COL13A1: variants seen among roughly 807,000 people sequenced by gnomAD.
COL13A1 encodes the protein collagen type XIII alpha 1 chain, also known as collagen alpha-1(XIII) chain.
A neutral mutation model predicts 130.9 loss-of-function variants in COL13A1; 89 were observed. That is an observed-to-expected ratio of 0.68 (90% CI 0.57 to 0.81). The LOEUF (loss-of-function observed/expected upper bound fraction) is 0.81. COL13A1 is among the 30% of genes least tolerant of loss of function. The pLI, the probability that COL13A1 is intolerant of heterozygous loss-of-function variation, is 0.00. For synonymous variants in COL13A1, 402 were observed against 341.6 expected (o/e 1.18, Z -1.95); for missense variants, 879 against 934.6 (o/e 0.94, Z 0.78).
chr10:69,874,287 G>A (rs1379931480), intron 4 of COL13A1, among the ~76,000 whole-genome samples: 2 of 152,160 alleles, frequency 1.3e-5, no homozygotes, highest in East Asian at 3.9e-4. Context: ...AAATGCCCAT[G>A]CAGTCCCCTC....
chr10:69,812,291 C>A (rs1452326225), intron 1 of COL13A1, among the ~76,000 whole-genome samples: 1 of 151,158 alleles, frequency 6.6e-6, no homozygotes, highest in African/African-American at 2.4e-5. Flanking sequence ...ACTCTGGAAC[C>A]CGATTGCTGG....
intron 8 of COL13A1, among the ~76,000 whole-genome samples, chr10:69,887,908 G>T (rs2060760195): frequency 6.6e-6 from 1 of 152,116 alleles, no homozygotes; most frequent in Admixed American, 6.5e-5. Context: ...CTGCTTATGG[G>T]GCCTAAGGCA....
At chr10:69,931,089 C>T in intron 30 of COL13A1, 1 of 443,946 alleles carries the variant, frequency 2.3e-6, no homozygotes, top group Admixed American at 2.4e-5. Context: ...ACATCCTGTG[C>T]AGGCCACAGT....
intron 35 of COL13A1, among the ~76,000 whole-genome samples, chr10:69,942,692 C>T (rs1459114598): frequency 6.6e-6 from 1 of 152,210 alleles, no homozygotes. Flanking sequence ...GCATGGAAAC[C>T]TGGCACGGTC....
intron 2 of COL13A1, among the ~76,000 whole-genome samples, chr10:69,848,432 G>A (rs1281792217): frequency 6.6e-6 from 1 of 152,148 alleles, no homozygotes; most frequent in Non-Finnish European, 1.5e-5. Flanking sequence ...AGAGACTGAG[G>A]CTCAGAGAAA....
At chr10:69,823,013 T>C (rs1400447767) in intron 2 of COL13A1, among the ~76,000 whole-genome samples, 3 of 152,232 alleles carry the variant, frequency 2.0e-5, no homozygotes. Flanking sequence ...TGTAATACAG[T>C]GAACTGGTCT....
chr10:69,913,592 G>A (rs1005694017), intron 17 of COL13A1, among the ~76,000 whole-genome samples: 2 of 152,042 alleles, frequency 1.3e-5, no homozygotes, highest in African/African-American at 4.8e-5. Context: ...CAATAACCAC[G>A]CCCTCCCCCT....
At chr10:69,866,697 C>G (rs1203809407) in intron 2 of COL13A1, among the ~76,000 whole-genome samples, 1 of 152,098 alleles carries the variant, frequency 6.6e-6, no homozygotes, top group African/African-American at 2.4e-5. Flanking sequence ...CTGTGTTCCT[C>G]CTTAACGTGA....
At position 69,802,330 on chromosome 10, in the gene COL13A1, C is replaced by G; in HGVS notation, c.-94C>G. The G allele has an allele frequency of 7.6e-7, 1 of 1,313,418 alleles. No homozygotes were observed. The highest frequency in any genetic ancestry group is 9.8e-7 in the Non-Finnish European group (1 of 1,018,124). The allele number at this position is 1,313,418 out of a possible 1,614,324, so 81.4% of individuals were successfully genotyped here. A position where few individuals can be genotyped will look rare whatever the true frequency, so the allele number is the denominator to read the frequency against. ...GTTTTCCAGCGATACAAGCCCTTTCCCCCTGCCCCGCAGTTTGGATAGAGC... is the reference window on the plus strand; with the variant it reads ...GTTTTCCAGCGATACAAGCCCTTTCGCCCTGCCCCGCAGTTTGGATAGAGC... On this transcript the variant is annotated 5_prime_UTR_variant, in exon 1 of 41. Transcript: ENST00000645393.
rs988198915 is a variant in COL13A1, at chr10:69,898,891, C to T, written c.750+129C>T. On this transcript the variant is annotated intron_variant, in intron 14 of 40. Transcript: ENST00000645393. ...ATTAAATCAGACAAAAATAGGCCCA[C>T]GTATACCATAGACATGGAAATACAC... 7 of 645,508 alleles carry T rather than the reference C, an allele frequency of 1.1e-5. No homozygotes were observed. The East Asian group carries it at 1.1e-4, about 10-fold the overall frequency. The allele number at this position is 645,508 out of a possible 1,614,324, so 40.0% of individuals were successfully genotyped here.
At chr10:69,941,059 C>A (rs1461370690) in intron 35 of COL13A1, 36 bp downstream of exon 35, 1 of 1,613,594 alleles carries the variant, frequency 6.2e-7, no homozygotes, top group Non-Finnish European at 8.5e-7. Flanking sequence ...TCACCCCACT[C>A]CACTCCACAC....
At position 69,802,561 on chromosome 10, in the gene COL13A1, G is replaced by A. The variant is rs528307100; in HGVS notation, c.138G>A (p.Gly46=). 9 of 1,609,648 alleles carry A rather than the reference G, an allele frequency of 5.6e-6. No individual in the cohort carries two copies. The South Asian group carries it at 7.7e-5, about 14-fold the overall frequency. The part of the protein sequence containing the change: ...GARLPSPGSC[G]LLTLALCSLA... The stretch of plus-strand genomic sequence containing the variant: ...GGCTGCCGAGTCCAGGGTCGTGCGG[G>A]CTGCTGACGCTGGCCCTCTGCTCGC... The change falls in exon 1 of 41, where the codon GGG becomes GGA. Residue 46 remains glycine, a synonymous_variant. Coordinates refer to ENST00000645393, the MANE Select transcript of COL13A1 (RefSeq NM_001368882.1).
chr10:69,822,285 C>A (rs2132617100), intron 1 of COL13A1, 84 bp from the exon 2 acceptor site: 1 of 1,051,858 alleles, frequency 9.5e-7, no homozygotes. Context: ...CCTCTTCCTG[C>A]CCTCCTCGTC....
intron 2 of COL13A1, among the ~76,000 whole-genome samples, chr10:69,832,721 G>A (rs1849103400): frequency 1.3e-5 from 2 of 152,290 alleles, no homozygotes; most frequent in African/African-American, 4.8e-5. Context: ...CTTAGTGTTG[G>A]AGGGCCTTGG....
chr10:69,883,116 T>C (rs2060301162), intron 7 of COL13A1, among the ~76,000 whole-genome samples: 1 of 152,142 alleles, frequency 6.6e-6, no homozygotes, highest in Admixed American at 6.5e-5. Context: ...GTTTGATAAA[T>C]GGTCCAAGCA....
intron 15 of COL13A1, among the ~76,000 whole-genome samples, chr10:69,904,571 A>C (rs2062542709): frequency 6.6e-6 from 1 of 152,196 alleles, no homozygotes; most frequent in South Asian, 2.1e-4. Context: ...TTTGCTGGGC[A>C]AGGCCGGCTT....
chr10:69,911,037 C>T (rs1167539351), intron 17 of COL13A1, among the ~76,000 whole-genome samples: 3 of 152,202 alleles, frequency 2.0e-5, no homozygotes, highest in Non-Finnish European at 4.4e-5. Flanking sequence ...AGCTACCCCT[C>T]CTGGAGGCCA....
At chr10:69,839,752 A>AAAG (rs59488155) in intron 2 of COL13A1, among the ~76,000 whole-genome samples, 22,522 of 152,176 alleles carry the variant, frequency 0.15, 1,716 homozygotes, top group Non-Finnish European at 0.16. Context: ...TGAAGAAGAG[A>AAAG]AAGGTCAGAG....
intron 17 of COL13A1, among the ~76,000 whole-genome samples, chr10:69,914,955 C>T (rs1399031676): frequency 6.6e-6 from 1 of 152,260 alleles, no homozygotes; most frequent in Non-Finnish European, 1.5e-5. Context: ...AGGACCCCCA[C>T]CAAGCAAAGA....
Sources: allele counts gnomAD v4.1 joint callset (sites outside exome capture counted in the v4.1 genomes callset), GRCh38; gene constraint gnomAD v4.1.1; transcripts MANE v1.5; gene names NCBI Gene and HGNC (gene_info 2026-07-23, HGNC 2026-07-21).